Variants in PHC2 observed in about 807,000 individuals in gnomAD.
PHC2 encodes polyhomeotic homolog 2.
In PHC2, 29 loss-of-function variants were observed where a neutral mutation model predicts 87.4. The ratio of observed to expected loss-of-function variants is 0.33; its 90% confidence interval spans 0.25 to 0.45. The LOEUF is 0.45. PHC2 is among the 20% of genes least tolerant of loss of function. The pLI is 1.00. For synonymous variants in PHC2, 438 were observed against 461.7 expected (o/e 0.95, Z 0.66); for missense variants, 857 against 1,136.7 (o/e 0.75, Z 3.54).
At chr1:33,362,516 G>A (rs1647218334) in intron 7 of PHC2, among the ~76,000 whole-genome samples, 3 of 152,320 alleles carry the variant, frequency 2.0e-5, no homozygotes, top group Admixed American at 2.0e-4. Context: ...ATGTGTATTA[G>A]GAAGTCACTG....
chr1:33,407,040 T>A (rs1468882968), intron 1 of PHC2, among the ~76,000 whole-genome samples: 2 of 152,232 alleles, frequency 1.3e-5, no homozygotes, highest in Non-Finnish European at 1.5e-5. Context: ...CAGCTGTATA[T>A]GATCTACTGA....
intron 9 of PHC2, chr1:33,346,596 G>T (rs1450049381): frequency 1.6e-5 from 16 of 985,188 alleles, no homozygotes; most frequent in Non-Finnish European, 1.8e-5. Context: ...GGTAAACACC[G>T]TACTAATGAT....
intron 1 of PHC2, among the ~76,000 whole-genome samples, chr1:33,385,287 A>G (rs1648683699): frequency 2.0e-5 from 3 of 152,216 alleles, no homozygotes; most frequent in Admixed American, 1.3e-4. Context: ...GCTTCCGGAA[A>G]ATGAAACAAC....
intron 1 of PHC2, among the ~76,000 whole-genome samples, chr1:33,421,443 A>G (rs1283034736): frequency 1.3e-5 from 2 of 152,210 alleles, no homozygotes; most frequent in African/African-American, 4.8e-5. Flanking sequence ...TGCATTCTCT[A>G]CAGGAACTTA....
chr1:33,421,141 T>C (rs1351287851), intron 1 of PHC2, among the ~76,000 whole-genome samples: 1 of 152,168 alleles, frequency 6.6e-6, no homozygotes, highest in African/African-American at 2.4e-5. Context: ...TGTCTTATCT[T>C]CAGTTTCTTT....
At chr1:33,386,687 A>C (rs1648771025) in intron 1 of PHC2, among the ~76,000 whole-genome samples, 1 of 151,976 alleles carries the variant, frequency 6.6e-6, no homozygotes, top group African/African-American at 2.4e-5. Flanking sequence ...CTCCATACTA[A>C]ATCTCCCCAC....
intron 1 of PHC2, among the ~76,000 whole-genome samples, chr1:33,376,359 A>C (rs943132701): frequency 2.0e-5 from 3 of 152,206 alleles, no homozygotes; most frequent in African/African-American, 7.2e-5. Flanking sequence ...GTCTTAAGAC[A>C]CACTTGCCCT....
At position 33,334,161 on chromosome 1, in the gene PHC2, T is replaced by G. The variant is rs761307929; in HGVS notation, c.1690A>C (p.Ile564Leu). Residue 564 changes from isoleucine to leucine, a missense_variant, in exon 10 of 15, where the codon ATT (isoleucine) becomes CTT (leucine). Physicochemically the swap from Ile to Leu is conservative, Grantham distance 5. This residue lies in a region of PHC2 where 832 missense variants were observed against 1,081.8 expected (regional missense o/e 0.77). Transcript: ENST00000683057. The surrounding 1 kb of genome is among the most constrained non-coding windows in gnomAD (Gnocchi z 5.5). ...QNGENKPPQA[I>L]VKPQILTHVI... ...TGCGTCAGGATTTGGGGTTTCACAA[T>G]GGCCTGTGGTGGTTTATTCTCACCA... is the stretch of plus-strand genomic sequence containing the variant. 6.2e-7 allele frequency: 1 copy of G among 1,613,782 alleles called. No individual in the cohort carries two copies. Among genetic ancestry groups the G allele is most frequent in the South Asian group, 1.1e-5 (1 of 91,040 alleles).
chr1:33,370,668 T>C (rs1647772473), intron 4 of PHC2, 83 bp from the exon 5 acceptor site: 3 of 1,353,322 alleles, frequency 2.2e-6, no homozygotes, highest in Non-Finnish European at 2.0e-6. Context: ...TTCTCCCCCC[T>C]CTTTTGCTCC....
At chr1:33,379,862 C>CCTT (rs137914783) in intron 1 of PHC2, among the ~76,000 whole-genome samples, 108,512 of 151,492 alleles carry the variant, frequency 0.72, 39,622 homozygotes, top group African/African-American at 0.86. Flanking sequence ...TGACCAGTCT[C>CCTT]CTGCCTCTGG....
chr1:33,359,789 AAAGG>A (rs1462079874), intron 7 of PHC2, among the ~76,000 whole-genome samples: 7 of 152,222 alleles, frequency 4.6e-5, no homozygotes, highest in African/African-American at 1.7e-4. Context: ...GAAGATGACA[AAAGG>A]AACAGCATTC....
chr1:33,345,296 T>C (rs1415669589), intron 9 of PHC2: 1 of 152,586 alleles, frequency 6.6e-6, no homozygotes, highest in African/African-American at 2.4e-5. Flanking sequence ...TGCTTATGTT[T>C]TAAAGTCATA....
At chr1:33,393,490 C>T (rs1488581981) in intron 1 of PHC2, among the ~76,000 whole-genome samples, 4 of 111,928 alleles carry the variant, frequency 3.6e-5, no homozygotes, top group Non-Finnish European at 7.0e-5. Context: ...TTTCTTCCAA[C>T]AAGTACTGAG....
chr1:33,334,845 A>G lies in PHC2; in HGVS notation c.1559-553T>C, dbSNP rs975350705. Among the ~76,000 whole-genome samples the G allele has an allele frequency of 1.3e-5, 2 of 152,228 alleles. No homozygotes were observed. Among genetic ancestry groups the G allele is most frequent in the East Asian group, 3.8e-4 (2 of 5,198 alleles). The stretch of plus-strand genomic sequence containing the variant: ...AAGGGAATGTGGGTGCTGAACCCCA[A>G]GTAAAGGCTATCATGTATATTTGAC... On this transcript the variant is annotated intron_variant, in intron 9 of 14. Transcript: ENST00000683057. The surrounding 1 kb of genome is among the most constrained non-coding windows in gnomAD (Gnocchi z 5.5).
At chr1:33,385,284 G>T (rs1411859015) in intron 1 of PHC2, among the ~76,000 whole-genome samples, 1 of 152,152 alleles carries the variant, frequency 6.6e-6, no homozygotes, top group East Asian at 1.9e-4. Context: ...AGAGCTTCCG[G>T]AAAATGAAAC....
chr1:33,328,403 G>C (rs1230623432), intron 14 of PHC2, among the ~76,000 whole-genome samples: 1 of 122,690 alleles, frequency 8.2e-6, no homozygotes, highest in African/African-American at 3.4e-5. Context: ...TTTTGGTAGA[G>C]ACAGGTCTCA....
intron 1 of PHC2, among the ~76,000 whole-genome samples, chr1:33,407,860 G>A (rs1649825431): frequency 6.6e-6 from 1 of 152,104 alleles, no homozygotes; most frequent in Admixed American, 6.5e-5. Flanking sequence ...AGAAATAGAT[G>A]AAGTTAAAAA....
At position 33,334,173 on chromosome 1, in the gene PHC2, G is replaced by T; in HGVS notation, c.1678C>A (p.Pro560Thr). The T allele has an allele frequency of 6.2e-7, 1 of 1,613,908 alleles. No individual in the cohort carries two copies. The highest frequency in any genetic ancestry group is 8.5e-7 in the Non-Finnish European group (1 of 1,179,960). ...TGGGGTTTCACAATGGCCTGTGGTG[G>T]TTTATTCTCACCATTCTGGGGGGCA... is the stretch of plus-strand genomic sequence containing the variant. The part of the protein sequence containing the change: ...GTAPQNGENK[P>T]PQAIVKPQIL... Residue 560 changes from proline to threonine, a missense_variant, in exon 10 of 15, where the codon CCA becomes ACA. Coordinates refer to ENST00000683057, the MANE Select transcript of PHC2 (RefSeq NM_001385109.1). This position sits in a 1 kb window ranked among gnomAD's most constrained non-coding sequence, Gnocchi z 5.5.
intron 1 of PHC2, among the ~76,000 whole-genome samples, chr1:33,413,165 C>G (rs1201815350): frequency 6.6e-6 from 1 of 152,144 alleles, no homozygotes; most frequent in African/African-American, 2.4e-5. Context: ...TGGGGTTTTA[C>G]CACATTGGCC....
Sources: gnomAD v4.1 joint callset for allele counts (sites outside exome capture counted in the v4.1 genomes callset) on GRCh38, gnomAD v4.1.1 for gene constraint, gnomAD v4.1.1 regional missense constraint, Gnocchi (gnomAD v3.1) non-coding constraint, MANE v1.5 for transcripts, NCBI Gene and HGNC (gene_info 2026-07-23, HGNC 2026-07-21) for gene names.